Variants in SPOCK1 observed in about 807,000 individuals in gnomAD.
SPOCK1 encodes testican-1.
A neutral mutation model predicts 55.3 loss-of-function variants in SPOCK1; 23 were observed. The observed-to-expected ratio is 0.42, with a 90% CI of 0.30 to 0.59. The LOEUF (loss-of-function observed/expected upper bound fraction) is 0.59, where lower values mean the gene tolerates loss of function less well. Ranked by LOEUF, SPOCK1 falls within the 20% of genes least tolerant of loss-of-function variation. SPOCK1 has a pLI of 0.22. For synonymous variants in SPOCK1, 226 were observed against 221.0 expected, an observed-to-expected ratio of 1.02 and a Z score of -0.20; for missense variants, 499 against 552.5, an observed-to-expected ratio of 0.90 and a Z score of 0.97.
chr5:137,495,961 C>A (rs1489583461), intron 2 of SPOCK1, among the ~76,000 whole-genome samples: 2 of 151,912 alleles, frequency 1.3e-5, no homozygotes, highest in African/African-American at 4.8e-5. Flanking sequence ...TAATGGCATG[C>A]TGGATTAAAT....
intron 2 of SPOCK1, among the ~76,000 whole-genome samples, chr5:137,292,206 A>C (rs1757382702): frequency 6.6e-6 from 1 of 151,988 alleles, no homozygotes; most frequent in Admixed American, 6.6e-5. Context: ...GAATCCTAAC[A>C]CAGTAGAGGT....
At chr5:137,040,713 T>G (rs62387884) in intron 6 of SPOCK1, among the ~76,000 whole-genome samples, 90 of 152,338 alleles carry the variant, frequency 5.9e-4, no homozygotes, top group Non-Finnish European at 1.1e-3. Flanking sequence ...TTGTTGTTGT[T>G]AAAAACAATC....
intron 5 of SPOCK1, among the ~76,000 whole-genome samples, chr5:137,090,706 A>G (rs766335791): frequency 1.3e-5 from 2 of 152,178 alleles, no homozygotes; most frequent in African/African-American, 2.4e-5. Flanking sequence ...CAAATATCCC[A>G]CAATCCCAAG....
chr5:137,036,910 C>T (rs1751896164), intron 6 of SPOCK1, among the ~76,000 whole-genome samples: 1 of 152,030 alleles, frequency 6.6e-6, no homozygotes, highest in African/African-American at 2.4e-5. Flanking sequence ...ACAATGAGTC[C>T]CATTCACCCC....
intron 6 of SPOCK1, among the ~76,000 whole-genome samples, chr5:137,006,180 C>A (rs973524852): frequency 2.0e-5 from 3 of 152,214 alleles, no homozygotes; most frequent in African/African-American, 4.8e-5. Context: ...ATTGTCTTGG[C>A]TATACGGGCT....
At chr5:137,086,778 T>C (rs1430534063) in intron 5 of SPOCK1, among the ~76,000 whole-genome samples, 2 of 152,222 alleles carry the variant, frequency 1.3e-5, no homozygotes, top group Non-Finnish European at 2.9e-5. Context: ...TTAATGGGCA[T>C]GTTTCGAGTT....
chr5:137,001,026 A>G (rs781737225), intron 6 of SPOCK1, among the ~76,000 whole-genome samples: 4 of 152,130 alleles, frequency 2.6e-5, no homozygotes, highest in Non-Finnish European at 4.4e-5. Context: ...ATAAAAAATA[A>G]AAACAAAAAA....
intron 2 of SPOCK1, among the ~76,000 whole-genome samples, chr5:137,359,720 T>C (rs913289864): frequency 2.6e-5 from 4 of 152,266 alleles, no homozygotes; most frequent in Non-Finnish European, 5.9e-5. Context: ...AGCATTTGTA[T>C]ATGCTTGCCC....
rs1270776313 is a variant in SPOCK1, at chr5:136,988,741, C to CCTGA, written c.707-102_707-99dup. The CCTGA allele has an allele frequency of 3.9e-6, 4 of 1,037,202 alleles. No individual in the cohort carries two copies. The African/African-American group carries it at 4.8e-5, about 12-fold the overall frequency. The allele number at this position is 1,037,202 out of a possible 1,614,324, so 64.2% of individuals were successfully genotyped here. A position where few individuals can be genotyped will look rare whatever the true frequency, so the allele number is the denominator to read the frequency against. ...TGCCCCAAGAAGATGCCAAGGCCCA[C>CCTGA]CTGACTCCCTTCCTGAGGCTGTTTC... On this transcript the variant is annotated intron_variant, in intron 7 of 10. Transcript: ENST00000394945.
chr5:137,403,713 A>G (rs1337165019), intron 2 of SPOCK1, among the ~76,000 whole-genome samples: 1 of 151,938 alleles, frequency 6.6e-6, no homozygotes, highest in Non-Finnish European at 1.5e-5. Context: ...ACAGGAACTA[A>G]GGTCTGGCTT....
intron 3 of SPOCK1, among the ~76,000 whole-genome samples, chr5:137,141,716 G>A (rs1410250360): frequency 1.3e-5 from 2 of 152,172 alleles, no homozygotes; most frequent in African/African-American, 4.8e-5. Flanking sequence ...AGCAAAGATA[G>A]AAAATGCAAT....
At chr5:136,984,973 C>T (rs1418246296) in intron 9 of SPOCK1, among the ~76,000 whole-genome samples, 167 bp downstream of exon 9, 1 of 152,190 alleles carries the variant, frequency 6.6e-6, no homozygotes, top group African/African-American at 2.4e-5. Context: ...CCAGCCAGTC[C>T]TCTGTTTATG....
chr5:137,462,346 T>C (rs1055416184), intron 2 of SPOCK1, among the ~76,000 whole-genome samples: 1 of 152,214 alleles, frequency 6.6e-6, no homozygotes, highest in African/African-American at 2.4e-5. Context: ...CTTCCATCCA[T>C]TCAGGCATTC....
chr5:137,289,752 G>A (rs932421303), intron 2 of SPOCK1, among the ~76,000 whole-genome samples: 2 of 152,164 alleles, frequency 1.3e-5, no homozygotes, highest in African/African-American at 4.8e-5. Flanking sequence ...GCCACATAGT[G>A]AGAGAGAAGA....
chr5:137,462,205 T>C (rs1405426836), intron 2 of SPOCK1, among the ~76,000 whole-genome samples: 3 of 152,202 alleles, frequency 2.0e-5, no homozygotes, highest in Non-Finnish European at 4.4e-5. Flanking sequence ...CTTTATTTTC[T>C]TTTATTTTTC....
At chr5:137,227,291 G>T (rs1560930) in intron 3 of SPOCK1, among the ~76,000 whole-genome samples, 59,915 of 152,132 alleles carry the variant, frequency 0.39, 12,884 homozygotes, top group Non-Finnish European at 0.47. Context: ...ATCTATTGTA[G>T]AAAGCAAGGA....
chr5:136,978,035 C>A lies in SPOCK1; in HGVS notation c.*619G>T. The stretch of plus-strand genomic sequence containing the variant: ...ATGCATGTACAGGGAAGTATCCAGA[C>A]ACCAATTTTTAATAAAATGAATTCC... On this transcript the variant is annotated 3_prime_UTR_variant, in exon 11 of 11. Transcript: ENST00000394945. The A allele has an allele frequency of 2.5e-6, 1 of 398,094 alleles. No homozygotes were observed. The highest frequency in any genetic ancestry group is 4.4e-6 in the Non-Finnish European group (1 of 225,978). The allele number at this position is 398,094 out of a possible 1,614,324, so 24.7% of individuals were successfully genotyped here. A position where few individuals can be genotyped will look rare whatever the true frequency, so the allele number is the denominator to read the frequency against.
rs10064244 is a variant in SPOCK1 at position 137,298,417 on chromosome 5, G to C, written c.187-31362C>G. Among the ~76,000 whole-genome samples the C allele has an allele frequency of 5.7e-3, 861 of 152,268 alleles. 9 individuals carry two copies. The highest frequency in any genetic ancestry group is 0.015 in the African/African-American group (623 of 41,540). ...GTGGGTCTTATTTATGACACTGAAT[G>C]GTTTCTCTTGGCAAATGTTCCACAA... On this transcript the variant is annotated intron_variant, in intron 2 of 10. Coordinates refer to ENST00000394945, the MANE Select transcript of SPOCK1 (RefSeq NM_004598.4).
chr5:137,111,479 C>T (rs1032500424), intron 5 of SPOCK1, among the ~76,000 whole-genome samples: 1 of 152,206 alleles, frequency 6.6e-6, no homozygotes, highest in Non-Finnish European at 1.5e-5. Flanking sequence ...CGCACCCATA[C>T]ACTGGCTCCT....
Sources: allele counts gnomAD v4.1 joint callset (sites outside exome capture counted in the v4.1 genomes callset), GRCh38; gene constraint gnomAD v4.1.1; transcripts MANE v1.5; gene names NCBI Gene and HGNC (gene_info 2026-07-23, HGNC 2026-07-21).